CHMP3: variants seen among roughly 807,000 people sequenced by gnomAD.
CHMP3 encodes the protein 25.1 protein.
Under a neutral mutation model 27.4 loss-of-function variants are expected in CHMP3, and 8 were observed. That is an observed-to-expected ratio of 0.29 (90% CI 0.17 to 0.53). The LOEUF (loss-of-function observed/expected upper bound fraction) is 0.53. Among genes scored for constraint, CHMP3 ranks in the 20% least tolerant of loss-of-function variants. The pLI is 0.96. For missense variants in CHMP3, 208 were observed against 271.5 expected (o/e 0.77, Z 1.64); for synonymous variants, 86 against 85.5 (o/e 1.01, Z -0.03).
At chr2:86,537,789 T>A (rs1393085554) in intron 2 of CHMP3, among the ~76,000 whole-genome samples, 1 of 152,200 alleles carries the variant, frequency 6.6e-6, no homozygotes, top group Non-Finnish European at 1.5e-5. Flanking sequence ...ATATATACAG[T>A]TACTTTTGAG....
At chr2:86,532,954 G>T (rs113265725) in intron 2 of CHMP3, among the ~76,000 whole-genome samples, 32 of 152,314 alleles carry the variant, frequency 2.1e-4, no homozygotes, top group African/African-American at 7.5e-4. Context: ...AATGAATAAG[G>T]AAGTGTTTTC....
At chr2:86,515,001 G>A (rs2104749042) in intron 3 of CHMP3, among the ~76,000 whole-genome samples, 1 of 152,172 alleles carries the variant, frequency 6.6e-6, no homozygotes, top group Admixed American at 6.5e-5. Context: ...ACACAGAGAG[G>A]AATATGAAAT....
intron 1 of CHMP3, among the ~76,000 whole-genome samples, chr2:86,547,804 A>C (rs1676670324): frequency 6.6e-6 from 1 of 152,244 alleles, no homozygotes; most frequent in South Asian, 2.1e-4. Context: ...CCTTATAATT[A>C]AGTAAAACAG....
rs749586672 is a variant in CHMP3, at chr2:86,505,800, G to A, written c.*4C>T. ...GTGTGCACACCCAGCGGGGTAGGCA[G>A]CCCCTAGCTGCGGAGTGTGGCCAGC... On this transcript the variant is annotated 3_prime_UTR_variant, in exon 6 of 6. Coordinates refer to ENST00000263856, the MANE Select transcript of CHMP3 (RefSeq NM_016079.4). 2 of 1,575,258 alleles carry A rather than the reference G, an allele frequency of 1.3e-6. No individual in the cohort carries two copies. Among genetic ancestry groups the A allele is most frequent in the South Asian group, 1.2e-5 (1 of 86,102 alleles).
At chr2:86,542,618 T>A (rs1676410686) in intron 1 of CHMP3, among the ~76,000 whole-genome samples, 2 of 152,224 alleles carry the variant, frequency 1.3e-5, no homozygotes, top group Admixed American at 1.3e-4. Flanking sequence ...GAGGTCCAAG[T>A]GCACAGTTAG....
At chr2:86,517,743 A>G (rs1302202208) in intron 3 of CHMP3, among the ~76,000 whole-genome samples, 1 of 151,110 alleles carries the variant, frequency 6.6e-6, no homozygotes, top group Non-Finnish European at 1.5e-5. Context: ...GCAAATAAAA[A>G]TAGGGCCAGG....
intron 4 of CHMP3, 49 bp downstream of exon 4, chr2:86,510,309 A>G (rs755778370): frequency 2.1e-5 from 28 of 1,308,414 alleles, no homozygotes; most frequent in Non-Finnish European, 2.7e-5. Context: ...TTACTTGTTT[A>G]GAGTGACTCT....
intron 1 of CHMP3, among the ~76,000 whole-genome samples, chr2:86,560,673 C>G (rs924509003): frequency 6.6e-6 from 1 of 151,034 alleles, no homozygotes; most frequent in African/African-American, 2.4e-5. Context: ...ACTGCACGTT[C>G]TGCACATGTA....
intron 1 of CHMP3, among the ~76,000 whole-genome samples, chr2:86,550,668 T>C (rs1676872030): frequency 6.6e-6 from 1 of 152,314 alleles, no homozygotes; most frequent in East Asian, 1.9e-4. Flanking sequence ...ATTCTCAATA[T>C]TGTACAGTCA....
At chr2:86,560,762 G>C (rs771183466) in intron 1 of CHMP3, among the ~76,000 whole-genome samples, 46 of 152,174 alleles carry the variant, frequency 3.0e-4, no homozygotes, top group Non-Finnish European at 5.6e-4. Flanking sequence ...AGACTGTACG[G>C]GAAGCACAGC....
chr2:86,518,150 T>C (rs1453873159), intron 3 of CHMP3, among the ~76,000 whole-genome samples: 1 of 151,988 alleles, frequency 6.6e-6, no homozygotes, highest in Non-Finnish European at 1.5e-5. Context: ...TTCTGACAAA[T>C]GAAAGCTCAG....
At chr2:86,543,131 T>C (rs1676427919) in intron 1 of CHMP3, among the ~76,000 whole-genome samples, 1 of 152,202 alleles carries the variant, frequency 6.6e-6, no homozygotes, top group African/African-American at 2.4e-5. Flanking sequence ...TGATAAATCA[T>C]AAAACAGAAC....
rs1387697206 is a variant in CHMP3 at position 86,553,989 on chromosome 2, T to C, written c.45+9315A>G. On this transcript the variant is annotated intron_variant, in intron 1 of 5. Transcript: ENST00000263856. ...CCAAATTCGTATGTTGAAATCCTAA[T>C]CCTCAAAGTGACAGTATCAGGAGGC... Among the ~76,000 whole-genome samples the C allele has an allele frequency of 3.9e-5, 6 of 152,334 alleles. No individual in the cohort carries two copies. In the East Asian group the frequency reaches 1.2e-3, roughly 29 times the overall value.
At chr2:86,518,598 G>A (rs749773251) in intron 3 of CHMP3, among the ~76,000 whole-genome samples, 4 of 152,078 alleles carry the variant, frequency 2.6e-5, no homozygotes, top group Non-Finnish European at 4.4e-5. Context: ...CCACACTATT[G>A]ACAGTCCGGG....
chr2:86,512,187 A>C (rs1341430516), intron 3 of CHMP3: 1 of 152,236 alleles, frequency 6.6e-6, no homozygotes, highest in East Asian at 1.9e-4. Flanking sequence ...TAAGAGGTGG[A>C]GTTTTTAAGA....
intron 2 of CHMP3, among the ~76,000 whole-genome samples, chr2:86,537,563 T>C (rs749235528): frequency 6.6e-6 from 1 of 152,224 alleles, no homozygotes; most frequent in Non-Finnish European, 1.5e-5. Flanking sequence ...TGTTGAAAAC[T>C]GAATGTTTGA....
chr2:86,515,371 G>C (rs1159327649), intron 3 of CHMP3: 1 of 152,188 alleles, frequency 6.6e-6, no homozygotes, highest in African/African-American at 2.4e-5. Flanking sequence ...TGCCCAGCTA[G>C]AGTGCAGTGG....
intron 3 of CHMP3, among the ~76,000 whole-genome samples, chr2:86,525,691 A>C (rs1052200949): frequency 1.3e-5 from 2 of 152,196 alleles, no homozygotes; most frequent in African/African-American, 4.8e-5. Flanking sequence ...TGGGGGATTC[A>C]AGTCTCATGA....
chr2:86,509,481 A>C (rs920460297), intron 4 of CHMP3, among the ~76,000 whole-genome samples: 1 of 152,128 alleles, frequency 6.6e-6, no homozygotes, highest in Admixed American at 6.5e-5. Flanking sequence ...TACATAATTC[A>C]AGTTCATAAA....
Sources: allele counts gnomAD v4.1 joint callset (sites outside exome capture counted in the v4.1 genomes callset), GRCh38; gene constraint gnomAD v4.1.1; transcripts MANE v1.5; gene names NCBI Gene and HGNC (gene_info 2026-07-23, HGNC 2026-07-21).